The following STXBP5L variants were observed in gnomAD, a reference collection of about 807,000 sequenced individuals.
The protein encoded by STXBP5L is syntaxin binding protein 5L.
Under a neutral mutation model 144.5 loss-of-function variants are expected in STXBP5L, and 65 were observed. The ratio of observed to expected loss-of-function variants is 0.45; its 90% CI spans 0.37 to 0.55. The LOEUF (loss-of-function observed/expected upper bound fraction) is 0.55, where lower values mean the gene tolerates loss of function less well. Ranked by LOEUF, STXBP5L falls within the 20% of genes least tolerant of loss-of-function variation. STXBP5L has a pLI of 0.00. For missense variants in STXBP5L, 1,298 were observed against 1,405.5 expected (o/e 0.92, Z 1.22); for synonymous variants, 505 against 469.6 (o/e 1.08, Z -0.97).
chr3:121,369,033 T>C (rs1443191242), intron 20 of STXBP5L, among the ~76,000 whole-genome samples: 1 of 152,178 alleles, frequency 6.6e-6, no homozygotes, highest in Non-Finnish European at 1.5e-5. Context: ...AAATCCCTGA[T>C]TTTTTAAGGA....
chr3:121,387,737 G>A (rs928858569), intron 22 of STXBP5L, among the ~76,000 whole-genome samples: 1 of 151,708 alleles, frequency 6.6e-6, no homozygotes, highest in African/African-American at 2.4e-5. Flanking sequence ...TATTTCTGAA[G>A]CCTCTGTTCT....
intron 3 of STXBP5L, among the ~76,000 whole-genome samples, chr3:120,987,986 G>T (rs1422783363): frequency 6.6e-6 from 1 of 151,586 alleles, no homozygotes; most frequent in Non-Finnish European, 1.5e-5. Flanking sequence ...GTAAATTATA[G>T]GACTATTTTG....
At chr3:121,243,685 TC>T (rs1269361447) in intron 14 of STXBP5L, among the ~76,000 whole-genome samples, 1 of 152,178 alleles carries the variant, frequency 6.6e-6, no homozygotes, top group African/African-American at 2.4e-5. Flanking sequence ...TATTGTTGTA[TC>T]ACTCTAGTAT....
At chr3:121,282,010 TATAA>T (rs1267813494) in intron 19 of STXBP5L, among the ~76,000 whole-genome samples, 1 of 151,156 alleles carries the variant, frequency 6.6e-6, no homozygotes, top group Non-Finnish European at 1.5e-5. Context: ...AATAAATATT[TATAA>T]ATATTTTTAT....
At chr3:121,294,874 G>A (rs971431414) in intron 19 of STXBP5L, among the ~76,000 whole-genome samples, 6 of 152,172 alleles carry the variant, frequency 3.9e-5, no homozygotes, top group African/African-American at 1.4e-4. Context: ...GATAGGTTCA[G>A]AAAAGTGATT....
chr3:120,909,425 C>G, intron 1 of STXBP5L, 146 bp from the exon 2 acceptor site: 1 of 684,788 alleles, frequency 1.5e-6, no homozygotes, highest in Non-Finnish European at 2.3e-6. Flanking sequence ...AAAACGAATC[C>G]TGACTCTTTT....
At chr3:120,988,244 T>C (rs1288021147) in intron 3 of STXBP5L, among the ~76,000 whole-genome samples, 1 of 151,852 alleles carries the variant, frequency 6.6e-6, no homozygotes, top group Non-Finnish European at 1.5e-5. Flanking sequence ...TGTAAGGTTT[T>C]ACTAAGTGTT....
intron 3 of STXBP5L, among the ~76,000 whole-genome samples, chr3:121,003,510 C>T (rs1400821706): frequency 1.3e-5 from 2 of 152,186 alleles, no homozygotes; most frequent in East Asian, 3.9e-4. Context: ...GTTGCCTGTT[C>T]ACTCTGATGG....
chr3:121,026,728 T>C (rs1576700055), intron 3 of STXBP5L, among the ~76,000 whole-genome samples: 1 of 151,576 alleles, frequency 6.6e-6, no homozygotes, highest in African/African-American at 2.4e-5. Context: ...GAGAAAAGAG[T>C]AACTAAAAGA....
intron 2 of STXBP5L, among the ~76,000 whole-genome samples, chr3:120,922,317 T>C (rs953079442): frequency 2.6e-5 from 4 of 152,110 alleles, no homozygotes; most frequent in Non-Finnish European, 4.4e-5. Flanking sequence ...GTTTATTTTG[T>C]ATCCTGCAAC....
intron 22 of STXBP5L, among the ~76,000 whole-genome samples, chr3:121,383,485 T>A (rs1312869549): frequency 2.0e-5 from 3 of 152,152 alleles, no homozygotes; most frequent in Non-Finnish European, 4.4e-5. Context: ...AAGGGGTATG[T>A]GGGAACTCTT....
chr3:121,253,896 G>A (rs142120017), intron 15 of STXBP5L, among the ~76,000 whole-genome samples: 10 of 146,124 alleles, frequency 6.8e-5, no homozygotes, highest in Non-Finnish European at 1.3e-4. Flanking sequence ...CTGGTGATCC[G>A]CCCACCTCGG....
intron 3 of STXBP5L, among the ~76,000 whole-genome samples, chr3:121,007,242 G>A (rs636571): frequency 0.52 from 78,273 of 151,888 alleles, 20,620 homozygotes; most frequent in Admixed American, 0.6. Context: ...AAGCCCCCTT[G>A]ATTATGATAC....
intron 6 of STXBP5L, among the ~76,000 whole-genome samples, chr3:121,116,648 G>T (rs527890856): frequency 6.6e-6 from 1 of 151,954 alleles, no homozygotes; most frequent in South Asian, 2.1e-4. Flanking sequence ...AAGATAATTG[G>T]TGTGAGCTAT....
At chr3:121,028,709 C>G (rs1003531031) in intron 3 of STXBP5L, among the ~76,000 whole-genome samples, 1 of 151,908 alleles carries the variant, frequency 6.6e-6, no homozygotes, top group Non-Finnish European at 1.5e-5. Context: ...TAAAAGAAAA[C>G]CTACCAATAA....
At chr3:121,093,408 C>G (rs1430946453) in intron 5 of STXBP5L, among the ~76,000 whole-genome samples, 3 of 151,960 alleles carry the variant, frequency 2.0e-5, no homozygotes, top group East Asian at 1.9e-4. Context: ...GTCCTGGACT[C>G]TTTTTGGTTG....
At chr3:121,390,734 A>T (rs554302997) in intron 22 of STXBP5L, among the ~76,000 whole-genome samples, 59 of 152,242 alleles carry the variant, frequency 3.9e-4, no homozygotes, top group African/African-American at 1.4e-3. Flanking sequence ...TGGCTTGTAG[A>T]GTTTCTGCCA....
chr3:121,339,927 C>T (rs535485530), intron 20 of STXBP5L, among the ~76,000 whole-genome samples: 86 of 151,930 alleles, frequency 5.7e-4, no homozygotes, highest in Middle Eastern at 3.4e-3. Context: ...AATGGAAATA[C>T]GTGTCATGCT....
At chr3:121,214,235 C>A (rs2048690826) in intron 10 of STXBP5L, among the ~76,000 whole-genome samples, 1 of 151,994 alleles carries the variant, frequency 6.6e-6, no homozygotes, top group African/African-American at 2.4e-5. Context: ...TTAGTTATTT[C>A]TTGTCTTCTG....
Sources: allele counts gnomAD v4.1 joint callset (sites outside exome capture counted in the v4.1 genomes callset), GRCh38; gene constraint gnomAD v4.1.1; transcripts MANE v1.5; gene names NCBI Gene and HGNC (gene_info 2026-07-23, HGNC 2026-07-21).